Variants in NRG3 observed in about 807,000 individuals in gnomAD.
The protein encoded by NRG3 is neuregulin 3.
A neutral mutation model predicts 66.9 loss-of-function variants in NRG3; 31 were observed. The observed-to-expected ratio is 0.46, with a 90% CI of 0.35 to 0.63. The LOEUF (loss-of-function observed/expected upper bound fraction) is 0.63, where lower values mean the gene tolerates loss of function less well. NRG3 is among the 20% of genes least tolerant of loss of function. NRG3 has a pLI of 0.00. For synonymous variants in NRG3, 393 were observed against 359.4 expected (o/e 1.09, Z -1.06); for missense variants, 910 against 878.9 (o/e 1.04, Z -0.45).
At chr10:81,891,149 T>C (rs1289054024) in intron 1 of NRG3, among the ~76,000 whole-genome samples, 2 of 152,222 alleles carry the variant, frequency 1.3e-5, no homozygotes, top group African/African-American at 4.8e-5. Context: ...CCTCTTGACC[T>C]TTCCAAAATA....
At chr10:81,960,139 T>C (rs1033408866) in intron 1 of NRG3, among the ~76,000 whole-genome samples, 1 of 152,208 alleles carries the variant, frequency 6.6e-6, no homozygotes, top group Admixed American at 6.5e-5. Context: ...TCACAATCCT[T>C]CTTCACATTG....
rs376784124 is a variant in NRG3, at chr10:82,885,229, CA to C, written c.1054+19794del. 3.2e-4 allele frequency among the ~76,000 whole-genome samples: 48 copies of C among 152,274 alleles called. No homozygotes were observed. The East Asian group carries it at 6.9e-3, about 22-fold the overall frequency. On this transcript the variant is annotated intron_variant, in intron 4 of 8. Coordinates refer to ENST00000372141, the MANE Select transcript of NRG3 (RefSeq NM_001010848.4). ...TGTATATATTTTACTACAGAGAACA[CA>C]ATGAGTTTTCTAACACAATTGTGAC...
At chr10:82,272,232 T>C (rs1246650993) in intron 1 of NRG3, among the ~76,000 whole-genome samples, 2 of 151,786 alleles carry the variant, frequency 1.3e-5, no homozygotes, top group Non-Finnish European at 2.9e-5. Flanking sequence ...AAGAAAAAAA[T>C]GTGAATTCTG....
chr10:82,959,099 C>T, intron 6 of NRG3, 24 bp downstream of exon 6: 1 of 1,554,014 alleles, frequency 6.4e-7, no homozygotes, highest in East Asian at 2.3e-5. Context: ...CTACACACCT[C>T]CTCCTATAGC....
rs1246295150 is a variant in NRG3 at position 82,362,546 on chromosome 10, GGGTTTTTTT to G, written c.953+3679_953+3687del. 1.5e-4 allele frequency among the ~76,000 whole-genome samples: 14 copies of G among 91,286 alleles called. 1 individual carries two copies. Among genetic ancestry groups the G allele is most frequent in the African/African-American group, 5.1e-4 (13 of 25,608 alleles). 59.9% of individuals were successfully genotyped at this position (91,286 alleles called of 152,430 possible). A position where few individuals can be genotyped will look rare whatever the true frequency, so the allele number is the denominator to read the frequency against. On this transcript the variant is annotated intron_variant, in intron 2 of 8. Transcript: ENST00000372141. ...TCACCACCATGCCCAGATAATTTCT[GGGTTTTTTT>G]TTTTTTTTTTTTTTCGTAGAAATGG...
chr10:82,084,411 C>A (rs1353176653), intron 1 of NRG3, among the ~76,000 whole-genome samples: 2 of 151,266 alleles, frequency 1.3e-5, no homozygotes, highest in Non-Finnish European at 2.9e-5. Flanking sequence ...CTTCTGTTAA[C>A]AATATAATCC....
intron 2 of NRG3, among the ~76,000 whole-genome samples, chr10:82,508,795 G>A (rs1844905792): frequency 6.6e-6 from 1 of 152,150 alleles, no homozygotes; most frequent in Non-Finnish European, 1.5e-5. Context: ...CAGTATAATA[G>A]TCACCCTAAT....
At chr10:82,856,743 C>CAAA (rs371581250) in intron 3 of NRG3, among the ~76,000 whole-genome samples, 36 of 66,342 alleles carry the variant, frequency 5.4e-4, no homozygotes, top group African/African-American at 1.9e-3. Flanking sequence ...GACTCTGTCT[C>CAAA]AAAAAAAAAA....
intron 1 of NRG3, among the ~76,000 whole-genome samples, chr10:82,237,625 A>G (rs2076818836): frequency 6.6e-6 from 1 of 151,988 alleles, no homozygotes; most frequent in South Asian, 2.1e-4. Context: ...TGAATCAATC[A>G]TTTGATCAAT....
intron 1 of NRG3, among the ~76,000 whole-genome samples, chr10:82,131,709 T>C (rs760548228): frequency 6.6e-5 from 10 of 152,174 alleles, no homozygotes; most frequent in Non-Finnish European, 1.3e-4. Flanking sequence ...TGTAATTTCT[T>C]GCATCAATGT....
At chr10:82,781,688 G>A (rs115357823) in intron 3 of NRG3, among the ~76,000 whole-genome samples, 3,291 of 152,144 alleles carry the variant, frequency 0.022, 129 homozygotes, top group African/African-American at 0.075. Flanking sequence ...AAGCAAGAAG[G>A]CTAAATGTCA....
chr10:82,535,697 C>G lies in NRG3; in HGVS notation c.953+176829C>G, dbSNP rs549276967. 2.6e-5 allele frequency among the ~76,000 whole-genome samples: 4 copies of G among 152,226 alleles called. No individual in the cohort carries two copies. The East Asian group carries it at 7.7e-4, about 29-fold the overall frequency. ...TCACAGATTTTGAAAAGAGCCAGAGCTTGGGATGATTGCCCATATAAAAAT... is the reference window on the plus strand; with the variant it reads ...TCACAGATTTTGAAAAGAGCCAGAGGTTGGGATGATTGCCCATATAAAAAT... On this transcript the variant is annotated intron_variant, in intron 2 of 8. Coordinates refer to ENST00000372141, the MANE Select transcript of NRG3 (RefSeq NM_001010848.4).
rs188866796 is a variant in NRG3, at chr10:82,627,994, C to T, written c.954-110583C>T. On this transcript the variant is annotated intron_variant, in intron 2 of 8. Coordinates refer to ENST00000372141, the MANE Select transcript of NRG3 (RefSeq NM_001010848.4). Reference sequence around the variant, plus strand: ...TGAGGTGTGTGCTACTATAGTGTCCCATTTTACAGGTAAGGAAACAAAGAC... The same window carrying T: ...TGAGGTGTGTGCTACTATAGTGTCCTATTTTACAGGTAAGGAAACAAAGAC... Among the ~76,000 whole-genome samples the T allele has an allele frequency of 1.1e-3, 162 of 152,272 alleles. 2 individuals are homozygous for T. The highest frequency in any genetic ancestry group is 3.7e-3 in the African/African-American group (154 of 41,560).
At chr10:82,241,153 C>CA (rs955363521) in intron 1 of NRG3, among the ~76,000 whole-genome samples, 15 of 151,560 alleles carry the variant, frequency 9.9e-5, no homozygotes, top group African/African-American at 2.2e-4. Flanking sequence ...CAAAAACTTG[C>CA]AAAAAAACAA....
chr10:82,797,546 G>GA (rs1418086559), intron 3 of NRG3, among the ~76,000 whole-genome samples: 1 of 152,040 alleles, frequency 6.6e-6, no homozygotes, highest in Non-Finnish European at 1.5e-5. Flanking sequence ...CAAAACTCCA[G>GA]AAGCATCCAT....
At chr10:82,349,866 G>C (rs1190266603) in intron 1 of NRG3, among the ~76,000 whole-genome samples, 1 of 152,150 alleles carries the variant, frequency 6.6e-6, no homozygotes, top group African/African-American at 2.4e-5. Flanking sequence ...ACTCAGAAAC[G>C]GAACTCCCTG....
chr10:82,650,406 A>G (rs764252631), intron 2 of NRG3, among the ~76,000 whole-genome samples: 2 of 152,174 alleles, frequency 1.3e-5, no homozygotes, highest in Non-Finnish European at 2.9e-5. Context: ...CCTAATTTAT[A>G]GCATCTCACT....
intron 4 of NRG3, among the ~76,000 whole-genome samples, chr10:82,900,052 T>C (rs963888801): frequency 6.6e-6 from 1 of 152,070 alleles, no homozygotes; most frequent in Admixed American, 6.5e-5. Flanking sequence ...AGCTTCTAAT[T>C]ATGGCAGAAG....
chr10:82,260,475 G>C (rs1164018021), intron 1 of NRG3, among the ~76,000 whole-genome samples: 1 of 152,182 alleles, frequency 6.6e-6, no homozygotes, highest in East Asian at 1.9e-4. Context: ...TCTGGAATTA[G>C]ATGCTGGGAA....
Sources: gnomAD v4.1 joint callset for allele counts (sites outside exome capture counted in the v4.1 genomes callset) on GRCh38, gnomAD v4.1.1 for gene constraint, MANE v1.5 for transcripts, NCBI Gene and HGNC (gene_info 2026-07-23, HGNC 2026-07-21) for gene names.